Variants in SCARB2 observed in about 807,000 individuals in gnomAD.
SCARB2 encodes lysosome membrane protein 2.
A neutral mutation model predicts 58.6 loss-of-function variants in SCARB2; 29 were observed. The observed-to-expected ratio is 0.49, with a 90% CI of 0.37 to 0.67. The LOEUF (loss-of-function observed/expected upper bound fraction) is 0.67. SCARB2 is among the 30% of genes least tolerant of loss of function. The pLI, the probability that SCARB2 is intolerant of heterozygous loss-of-function variation, is 0.00. For missense variants in SCARB2, 488 were observed against 578.5 expected, an observed-to-expected ratio of 0.84 and a Z score of 1.60; for synonymous variants, 195 against 210.1, an observed-to-expected ratio of 0.93 and a Z score of 0.62.
At chr4:76,168,560 G>C (rs1732063401) in intron 8 of SCARB2, 84 bp from the exon 9 acceptor site, 1 of 1,125,790 alleles carries the variant, frequency 8.9e-7, no homozygotes, top group Admixed American at 1.7e-5. Flanking sequence ...TTTCTGTGTA[G>C]TCCTCATAAA....
intron 1 of SCARB2, among the ~76,000 whole-genome samples, chr4:76,230,107 T>A (rs1733467894): frequency 6.6e-6 from 1 of 152,140 alleles, no homozygotes; most frequent in Non-Finnish European, 1.5e-5. Context: ...AGTTTATGTC[T>A]TTTGTGATTG....
chr4:76,220,231 A>G (rs1041318768), intron 1 of SCARB2, among the ~76,000 whole-genome samples: 4 of 152,232 alleles, frequency 2.6e-5, no homozygotes, highest in Admixed American at 1.3e-4. Context: ...AGCATTGTTC[A>G]CAATAGTCAA....
intron 1 of SCARB2, among the ~76,000 whole-genome samples, chr4:76,220,054 G>GT (rs1388645225): frequency 6.6e-6 from 1 of 152,196 alleles, no homozygotes; most frequent in Non-Finnish European, 1.5e-5. Flanking sequence ...AAGCAGAACT[G>GT]TTTCCTCCAT....
At chr4:76,222,230 T>C (rs1733321732) in intron 1 of SCARB2, among the ~76,000 whole-genome samples, 2 of 151,776 alleles carry the variant, frequency 1.3e-5, no homozygotes, top group East Asian at 1.9e-4. Context: ...CTATCTTCTT[T>C]TTTTTTTTTT....
intron 1 of SCARB2, among the ~76,000 whole-genome samples, chr4:76,228,562 A>C (rs1472279076): frequency 6.6e-6 from 1 of 151,908 alleles, no homozygotes; most frequent in Non-Finnish European, 1.5e-5. Context: ...AAATTCTCTC[A>C]GCATTTGTTT....
chr4:76,161,535 G>C lies in SCARB2; in HGVS notation c.*178C>G, dbSNP rs1731896483. 5 of 657,290 alleles carry C rather than the reference G, an allele frequency of 7.6e-6. No individual in the cohort carries two copies. In the East Asian group the frequency reaches 1.4e-4, roughly 18 times the overall value. 40.7% of individuals were successfully genotyped at this position (657,290 alleles called of 1,614,324 possible). ...CCACATGATTTTATAAAGCTTAATG[G>C]CCAGCCATGTCAGCCTGCTCTTTAA... On this transcript the variant is annotated 3_prime_UTR_variant, in exon 12 of 12. Transcript: ENST00000264896.
intron 1 of SCARB2, among the ~76,000 whole-genome samples, chr4:76,208,907 TGTTA>T (rs1218704838): frequency 2.6e-5 from 4 of 151,960 alleles, no homozygotes; most frequent in Admixed American, 2.0e-4. Flanking sequence ...GGAAAGGGGG[TGTTA>T]GTGATTACAC....
intron 10 of SCARB2, chr4:76,165,352 T>C (rs1578713412): frequency 1.3e-5 from 2 of 152,300 alleles, no homozygotes; most frequent in South Asian, 2.1e-4. Context: ...TATAAAATTG[T>C]ATCTATCGTA....
rs146444232 is a variant in SCARB2, at chr4:76,161,956, C to T, written c.1399-205G>A. 1,186 of 631,034 alleles carry T rather than the reference C, an allele frequency of 1.9e-3. 6 individuals carry two copies. Among genetic ancestry groups the T allele is most frequent in the Middle Eastern group, 6.1e-3 (18 of 2,944 alleles). 39.1% of individuals were successfully genotyped at this position (631,034 alleles called of 1,614,324 possible). The stretch of plus-strand genomic sequence containing the variant: ...CTTTCCAGGAGGCCTTCTCTGACCA[C>T]TCCCACCCTCAATACCAGAGCAGTA... On this transcript the variant is annotated intron_variant, in intron 11 of 11. Coordinates refer to ENST00000264896, the MANE Select transcript of SCARB2 (RefSeq NM_005506.4).
Position 76,166,305 on chromosome 4 carries a change from C to A in SCARB2, c.1188-4G>T, listed in dbSNP as rs1468055771. On this transcript the variant is annotated splice_polypyrimidine_tract_variant and splice_region_variant and intron_variant, in intron 9 of 11. Transcript: ENST00000264896. ...GGTTCTAATGTCTCCCGTTTCACTA[C>A]AAAGACAAAGGATGAGATTGTTTCA... 1 of 1,614,024 alleles carries A rather than the reference C, an allele frequency of 6.2e-7. No homozygotes were observed. Among genetic ancestry groups the A allele is most frequent in the African/African-American group, 1.3e-5 (1 of 75,038 alleles).
chr4:76,179,992 T>C (rs1456005122), intron 3 of SCARB2: 4 of 438,574 alleles, frequency 9.1e-6, no homozygotes, highest in South Asian at 2.2e-5. Flanking sequence ...CTTGTAAACA[T>C]GTGGGCATCT....
chr4:76,201,447 A>G (rs1423084344), intron 1 of SCARB2, among the ~76,000 whole-genome samples: 1 of 152,160 alleles, frequency 6.6e-6, no homozygotes, highest in Non-Finnish European at 1.5e-5. Flanking sequence ...ACAATAAATA[A>G]TTAATGAAGA....
chr4:76,170,105 T>C, intron 7 of SCARB2, 120 bp from the exon 8 acceptor site: 1 of 822,266 alleles, frequency 1.2e-6, no homozygotes, highest in South Asian at 1.4e-5. Context: ...TACATATAAA[T>C]TAACTTGGGT....
At chr4:76,179,481 TA>T in intron 4 of SCARB2, 35 bp downstream of exon 4, 3 of 1,508,690 alleles carry the variant, frequency 2.0e-6, no homozygotes, top group Non-Finnish European at 1.8e-6. Flanking sequence ...CACTGTCAGC[TA>T]AAAAAAGAGG....
At chr4:76,228,513 G>A (rs1294194496) in intron 1 of SCARB2, among the ~76,000 whole-genome samples, 1 of 151,494 alleles carries the variant, frequency 6.6e-6, no homozygotes, top group African/African-American at 2.4e-5. Context: ...AAAAAATTTA[G>A]AATTCCTTTT....
intron 1 of SCARB2, among the ~76,000 whole-genome samples, chr4:76,221,660 A>G (rs1399387150): frequency 6.6e-6 from 1 of 152,206 alleles, no homozygotes; most frequent in Non-Finnish European, 1.5e-5. Context: ...AAAAACAGAG[A>G]AAAAATACCG....
intron 1 of SCARB2, among the ~76,000 whole-genome samples, chr4:76,219,626 G>A (rs1019257706): frequency 1.3e-5 from 2 of 152,148 alleles, no homozygotes; most frequent in African/African-American, 2.4e-5. Flanking sequence ...GGGAGAAAGG[G>A]GGGATGGAGA....
chr4:76,190,348 C>A (rs896255681), intron 2 of SCARB2, among the ~76,000 whole-genome samples: 1 of 152,022 alleles, frequency 6.6e-6, no homozygotes, highest in Non-Finnish European at 1.5e-5. Context: ...GGGAGAGTAT[C>A]CGAAGTCAGG....
At chr4:76,211,811 T>C (rs750267715) in intron 1 of SCARB2, among the ~76,000 whole-genome samples, 1 of 152,220 alleles carries the variant, frequency 6.6e-6, no homozygotes, top group Non-Finnish European at 1.5e-5. Context: ...AGCCCTGTCC[T>C]TTAGTTTCAT....
Sources: gnomAD v4.1 joint callset for allele counts (sites outside exome capture counted in the v4.1 genomes callset) on GRCh38, gnomAD v4.1.1 for gene constraint, MANE v1.5 for transcripts, NCBI Gene and HGNC (gene_info 2026-07-23, HGNC 2026-07-21) for gene names.